Variants in NEK10 observed in about 807,000 individuals in gnomAD.
The protein encoded by NEK10 is serine/threonine-protein kinase Nek10.
In NEK10, 122 loss-of-function variants were observed where a neutral mutation model predicts 159.8. The observed-to-expected ratio is 0.76, with a 90% CI of 0.66 to 0.89. The LOEUF (loss-of-function observed/expected upper bound fraction) is 0.89, where lower values mean the gene tolerates loss of function less well. NEK10 is among the 40% of genes least tolerant of loss of function. NEK10 has a pLI of 0.00. For missense variants in NEK10, 1,342 were observed against 1,323.1 expected (o/e 1.01, Z -0.22); for synonymous variants, 466 against 457.1 (o/e 1.02, Z -0.25).
chr3:27,195,191 G>C (rs1949457498), intron 25 of NEK10, among the ~76,000 whole-genome samples: 1 of 152,174 alleles, frequency 6.6e-6, no homozygotes, highest in African/African-American at 2.4e-5. Flanking sequence ...TTTCTGTCAA[G>C]AGCTGTCTTC....
intron 24 of NEK10, 73 bp downstream of exon 24, chr3:27,202,355 A>C (rs946722488): frequency 3.0e-5 from 42 of 1,419,460 alleles, no homozygotes; most frequent in Non-Finnish European, 4.0e-5. Context: ...ACAAATCACA[A>C]AGATCTGTTT....
At chr3:27,271,191 CTATCTACCTAT>C (rs2041327771) in intron 22 of NEK10, among the ~76,000 whole-genome samples, 2 of 151,704 alleles carry the variant, frequency 1.3e-5, no homozygotes, top group South Asian at 2.1e-4. Context: ...ATCTATCTAT[CTATCTACCTAT>C]CTATCTGTCT....
chr3:27,236,866 G>A (rs866494539), intron 23 of NEK10, among the ~76,000 whole-genome samples: 69 of 152,212 alleles, frequency 4.5e-4, no homozygotes, highest in Non-Finnish European at 7.4e-4. Context: ...GGGTTCAAGA[G>A]CACAGAACCA....
rs1357568352 is a variant in NEK10 at position 27,109,723 on chromosome 3, G to A, written c.*1549C>T. Among the ~76,000 whole-genome samples, 1 of 152,196 alleles carries A rather than the reference G, an allele frequency of 6.6e-6. No individual in the cohort carries two copies. The highest frequency in any genetic ancestry group is 1.9e-4 in the East Asian group (1 of 5,180). ...GGAACAGAAATAAAATTTTGCCTGGGTAAATCAATATCATAGCATTTTGAT... is the reference window on the plus strand; with the variant it reads ...GGAACAGAAATAAAATTTTGCCTGGATAAATCAATATCATAGCATTTTGAT... On this transcript the variant is annotated 3_prime_UTR_variant, in exon 36 of 36. Coordinates refer to ENST00000691995, the MANE Select transcript of NEK10 (RefSeq NM_001394966.1).
At chr3:27,235,922 A>G (rs1168214608) in intron 23 of NEK10, among the ~76,000 whole-genome samples, 1 of 152,136 alleles carries the variant, frequency 6.6e-6, no homozygotes, top group Non-Finnish European at 1.5e-5. Flanking sequence ...AAAGTGATAC[A>G]TATAAAGAAA....
chr3:27,237,084 C>T (rs187090137), intron 23 of NEK10, among the ~76,000 whole-genome samples: 11 of 152,210 alleles, frequency 7.2e-5, no homozygotes, highest in South Asian at 2.1e-4. Context: ...AAGAATTCAG[C>T]GATATCTCTC....
At chr3:27,275,871 C>T (rs1218719712) in intron 22 of NEK10, among the ~76,000 whole-genome samples, 1 of 152,168 alleles carries the variant, frequency 6.6e-6, no homozygotes, top group Non-Finnish European at 1.5e-5. Context: ...AATTCAATGT[C>T]TGAAACTTTG....
intron 29 of NEK10, among the ~76,000 whole-genome samples, chr3:27,165,651 C>A (rs1207840439): frequency 6.6e-6 from 1 of 152,194 alleles, no homozygotes; most frequent in East Asian, 1.9e-4. Flanking sequence ...AAGGCCATCC[C>A]TTCCAGCTCT....
intron 23 of NEK10, among the ~76,000 whole-genome samples, chr3:27,245,117 T>A (rs1954927516): frequency 6.6e-6 from 1 of 152,198 alleles, no homozygotes; most frequent in African/African-American, 2.4e-5. Context: ...ATCATTTCTA[T>A]CTCCTAGTTG....
At chr3:27,183,945 C>A (rs964631034) in intron 26 of NEK10, among the ~76,000 whole-genome samples, 3 of 152,088 alleles carry the variant, frequency 2.0e-5, no homozygotes, top group African/African-American at 7.2e-5. Context: ...CAAATAGTGG[C>A]AAGGATGTGG....
intron 23 of NEK10, among the ~76,000 whole-genome samples, chr3:27,247,517 T>C (rs1955191696): frequency 6.6e-6 from 1 of 152,136 alleles, no homozygotes; most frequent in Non-Finnish European, 1.5e-5. Context: ...TTTGATTTGC[T>C]AGAATTTTGT....
intron 5 of NEK10, among the ~76,000 whole-genome samples, chr3:27,323,523 A>T (rs1335659368): frequency 6.6e-6 from 1 of 152,182 alleles, no homozygotes; most frequent in Non-Finnish European, 1.5e-5. Context: ...GAACCCTTTG[A>T]AATCAAAGTC....
intron 33 of NEK10, among the ~76,000 whole-genome samples, chr3:27,116,339 C>T (rs2272075): frequency 0.24 from 35,897 of 151,960 alleles, 4,644 homozygotes; most frequent in Middle Eastern, 0.4. Flanking sequence ...TGGGCATGGG[C>T]ATCACAAAAT....
At chr3:27,351,567 C>T (rs1011164398) in intron 3 of NEK10, among the ~76,000 whole-genome samples, 5 of 152,066 alleles carry the variant, frequency 3.3e-5, no homozygotes, top group African/African-American at 9.7e-5. Context: ...TCCCTAAATA[C>T]GAACTATCAT....
chr3:27,239,894 G>T (rs1288268896), intron 23 of NEK10, among the ~76,000 whole-genome samples: 2 of 152,018 alleles, frequency 1.3e-5, no homozygotes, highest in African/African-American at 4.8e-5. Context: ...TCTGGCTATA[G>T]AAATGTTCAT....
Position 27,284,670 on chromosome 3 carries a change from T to C in NEK10, c.1946A>G (p.Lys649Arg). Residue 649 changes from lysine (K) to arginine (R), a missense_variant, in exon 22 of 36, where the codon AAG becomes AGG. Lys to Arg is a conservative substitution (Grantham distance 26). Coordinates refer to ENST00000691995, the MANE Select transcript of NEK10 (RefSeq NM_001394966.1). ...CLALRYLHKE[K>R]RIVHRDLTPN... ...TGTCAGATCTCTATGGACAATCCTCTTCTCCTTGTGTAAGTATCGAAGAGC... is the reference window on the plus strand; with the variant it reads ...TGTCAGATCTCTATGGACAATCCTCCTCTCCTTGTGTAAGTATCGAAGAGC... 1 of 1,611,178 alleles carries C rather than the reference T, an allele frequency of 6.2e-7. No individual in the cohort carries two copies. The highest frequency in any genetic ancestry group is 8.5e-7 in the Non-Finnish European group (1 of 1,177,398).
chr3:27,306,325 T>A (rs558419661), intron 11 of NEK10, among the ~76,000 whole-genome samples: 1 of 152,312 alleles, frequency 6.6e-6, no homozygotes, highest in Admixed American at 6.5e-5. Context: ...ACCTCTCCAA[T>A]ATTCTCATTC....
chr3:27,280,453 T>C (rs1255382649), intron 22 of NEK10, among the ~76,000 whole-genome samples: 1 of 152,110 alleles, frequency 6.6e-6, no homozygotes, highest in Non-Finnish European at 1.5e-5. Flanking sequence ...ACAGAAAATA[T>C]TCATTTTTCA....
At chr3:27,317,896 G>A (rs1275060834) in intron 6 of NEK10, among the ~76,000 whole-genome samples, 3 of 152,058 alleles carry the variant, frequency 2.0e-5, no homozygotes, top group African/African-American at 4.8e-5. Flanking sequence ...TCCGCCTCCC[G>A]GGTTCACGCC....
Sources: gnomAD v4.1 joint callset for allele counts (sites outside exome capture counted in the v4.1 genomes callset) on GRCh38, gnomAD v4.1.1 for gene constraint, MANE v1.5 for transcripts, NCBI Gene and HGNC (gene_info 2026-07-23, HGNC 2026-07-21) for gene names.